ZNF675: variants seen among roughly 807,000 people sequenced by gnomAD.
ZNF675 encodes TRAF6 inhibitory zinc finger.
A neutral mutation model predicts 56.1 loss-of-function variants in ZNF675; 36 were observed. The ratio of observed to expected loss-of-function variants is 0.64; its 90% CI spans 0.49 to 0.85. ZNF675 has a LOEUF of 0.85. ZNF675 is among the 40% of genes least tolerant of loss of function. The pLI is 0.00. For missense variants in ZNF675, 663 were observed against 654.2 expected (o/e 1.01, Z -0.15); for synonymous variants, 200 against 218.9 (o/e 0.91, Z 0.76).
At chr19:23,659,207 T>C (rs528149948) in intron 3 of ZNF675, among the ~76,000 whole-genome samples, 1 of 152,222 alleles carries the variant, frequency 6.6e-6, no homozygotes, top group African/African-American at 2.4e-5. Flanking sequence ...CTACAAATTA[T>C]CTAATTTACT....
At chr19:23,661,260 C>T (rs1199650679) in intron 3 of ZNF675, among the ~76,000 whole-genome samples, 2 of 152,098 alleles carry the variant, frequency 1.3e-5, no homozygotes, top group African/African-American at 4.8e-5. Flanking sequence ...ATCCGCCCAC[C>T]TCAGCCTCCC....
chr19:23,659,633 A>G (rs2144924884), intron 3 of ZNF675, among the ~76,000 whole-genome samples: 1 of 152,304 alleles, frequency 6.6e-6, no homozygotes, highest in South Asian at 2.1e-4. Flanking sequence ...TCTTCTTTTC[A>G]GAAGGCAGGC....
rs145153257 is a variant in ZNF675 at position 23,661,744 on chromosome 19, A to G, written c.226+370T>C. On this transcript the variant is annotated intron_variant, in intron 3 of 3. Transcript: ENST00000359788. ...AAAGAAACCACTTCTCATACGTTTCAGACAAGATGGAAAAAAAGAACTTAA... is the reference window on the plus strand; with the variant it reads ...AAAGAAACCACTTCTCATACGTTTCGGACAAGATGGAAAAAAAGAACTTAA... 7.2e-5 allele frequency among the ~76,000 whole-genome samples: 11 copies of G among 152,336 alleles called. No individual in the cohort carries two copies. In the East Asian group the frequency reaches 2.1e-3, roughly 29 times the overall value.
At position 23,654,678 on chromosome 19, in the gene ZNF675, A is replaced by G. The variant is rs775944939; in HGVS notation, c.255T>C (p.Phe85=). The change falls in exon 4 of 4, where the codon TTT becomes TTC. Residue 85 remains phenylalanine, a synonymous_variant. Coordinates refer to ENST00000359788, the MANE Select transcript of ZNF675 (RefSeq NM_138330.3). ...PVMCSHFAQE[F]WPEQNIKDSF... ...AATCTTTTATGTTCTGCTCTGGCCAAAACTCTTGGGCAAAATGAGAACACA... is the reference window on the plus strand; with the variant it reads ...AATCTTTTATGTTCTGCTCTGGCCAGAACTCTTGGGCAAAATGAGAACACA... The G allele has an allele frequency of 1.9e-5, 29 of 1,552,526 alleles. No individual in the cohort carries two copies. Among genetic ancestry groups the G allele is most frequent in the Non-Finnish European group, 2.3e-5 (26 of 1,151,768 alleles).
At chr19:23,676,711 GT>G (rs1968299256) in intron 1 of ZNF675, among the ~76,000 whole-genome samples, 1 of 151,756 alleles carries the variant, frequency 6.6e-6, no homozygotes, top group African/African-American at 2.4e-5. Context: ...CTTCAAAAGA[GT>G]TATCTACGAC....
intron 1 of ZNF675, among the ~76,000 whole-genome samples, chr19:23,666,525 C>T (rs1230663172): frequency 6.6e-6 from 1 of 152,144 alleles, no homozygotes; most frequent in African/African-American, 2.4e-5. Flanking sequence ...TGTTCGGGCC[C>T]ACTTTCACAC....
At chr19:23,665,299 C>T (rs1289684854) in intron 1 of ZNF675, among the ~76,000 whole-genome samples, 2 of 148,486 alleles carry the variant, frequency 1.3e-5, no homozygotes, top group Admixed American at 6.7e-5. Context: ...GAGCTGAAAT[C>T]GCACCACTGC....
At position 23,680,784 on chromosome 19, in the gene ZNF675, G is replaced by T. The variant is rs148595509; in HGVS notation, c.3+6247C>A. ...AAATTTAAAAAAATAATAATAATAAGAGCTAAATAATAAGAACACATGGAC... is the reference window on the plus strand; with the variant it reads ...AAATTTAAAAAAATAATAATAATAATAGCTAAATAATAAGAACACATGGAC... On this transcript the variant is annotated intron_variant, in intron 1 of 3. Coordinates refer to ENST00000359788, the MANE Select transcript of ZNF675 (RefSeq NM_138330.3). 6.6e-5 allele frequency among the ~76,000 whole-genome samples: 10 copies of T among 151,582 alleles called. No individual in the cohort carries two copies. In the East Asian group the frequency reaches 1.9e-3, roughly 29 times the overall value.
At chr19:23,657,496 C>T (rs1047340573) in intron 3 of ZNF675, among the ~76,000 whole-genome samples, 4 of 152,146 alleles carry the variant, frequency 2.6e-5, no homozygotes, top group Non-Finnish European at 5.9e-5. Context: ...GCAGGTGGAT[C>T]ACCTGAGGTC....
Position 23,654,559 on chromosome 19 carries a change from T to G in ZNF675, c.374A>C (p.His125Pro), listed in dbSNP as rs1254429381. Residue 125 changes from histidine (H) to proline (P), a missense_variant, in exon 4 of 4, where the codon CAC becomes CCC. Physicochemically the swap from His to Pro is moderately conservative, Grantham distance 77. This residue lies in a region of ZNF675 where 617 missense variants were observed against 590.5 expected (regional missense o/e 1.04). Transcript: ENST00000359788. ...GTTAAGTCCATTATAACCTCCCTTG[T>G]GCAACTTACATTCATCCACACTTTT... The part of the protein sequence containing the change: ...GCKSVDECKL[H>P]KGGYNGLNQC... 1 of 1,612,248 alleles carries G rather than the reference T, an allele frequency of 6.2e-7. No homozygotes were observed. The highest frequency in any genetic ancestry group is 1.3e-5 in the African/African-American group (1 of 74,860).
chr19:23,668,391 T>C (rs987683166), intron 1 of ZNF675, among the ~76,000 whole-genome samples: 1 of 152,002 alleles, frequency 6.6e-6, no homozygotes, highest in African/African-American at 2.4e-5. Flanking sequence ...AGGGTGCTGA[T>C]TGGTGTGTTT....
rs189266983 is a variant in ZNF675, at chr19:23,660,487, C to T, written c.226+1627G>A. 6.4e-4 allele frequency among the ~76,000 whole-genome samples: 98 copies of T among 152,216 alleles called. No homozygotes were observed. The East Asian group carries it at 0.018, about 28-fold the overall frequency. ...ATCATATATATAAACATAAACAGTACATTAAAACTTGTAAATACACTCAGT... is the reference window on the plus strand; with the variant it reads ...ATCATATATATAAACATAAACAGTATATTAAAACTTGTAAATACACTCAGT... On this transcript the variant is annotated intron_variant, in intron 3 of 3. Transcript: ENST00000359788.
chr19:23,667,877 T>C (rs1968174609), intron 1 of ZNF675, among the ~76,000 whole-genome samples: 2 of 146,330 alleles, frequency 1.4e-5, no homozygotes, highest in Non-Finnish European at 3.0e-5. Context: ...AGGGTGCTGA[T>C]TGGTGTGTTT....
intron 1 of ZNF675, among the ~76,000 whole-genome samples, chr19:23,675,700 G>GTA (rs1414814836): frequency 6.6e-6 from 1 of 151,596 alleles, no homozygotes; most frequent in African/African-American, 2.4e-5. Flanking sequence ...AACTAAGGCA[G>GTA]TATTAAGAGG....
At chr19:23,675,369 A>G (rs4932896) in intron 1 of ZNF675, among the ~76,000 whole-genome samples, 147,232 of 151,674 alleles carry the variant, frequency 0.97, 71,754 homozygotes, top group Middle Eastern at 1. Flanking sequence ...TAAAATATCT[A>G]TAGAACTCTC....
At chr19:23,662,047 G>C (rs1327888658) in intron 3 of ZNF675, 67 bp downstream of exon 3, 14 of 1,165,476 alleles carry the variant, frequency 1.2e-5, no homozygotes, top group Non-Finnish European at 1.7e-5. Context: ...TTAAGGACTG[G>C]CTTTCTCTTT....
intron 3 of ZNF675, among the ~76,000 whole-genome samples, chr19:23,661,409 G>GT (rs964959290): frequency 1.3e-4 from 20 of 150,846 alleles, no homozygotes; most frequent in Middle Eastern, 3.4e-3. Flanking sequence ...AAAAAAAAAG[G>GT]GCGGGGAATA....
intron 1 of ZNF675, among the ~76,000 whole-genome samples, chr19:23,683,342 A>C (rs1968401266): frequency 6.6e-6 from 1 of 151,940 alleles, no homozygotes; most frequent in East Asian, 1.9e-4. Context: ...TTTATGGTGC[A>C]AAAAGAGGAA....
intron 1 of ZNF675, among the ~76,000 whole-genome samples, chr19:23,665,622 T>C (rs182746736): frequency 6.6e-6 from 1 of 151,966 alleles, no homozygotes; most frequent in East Asian, 2.0e-4. Context: ...CAGCCTTGAG[T>C]AGCTGGGATA....
Sources: gnomAD v4.1 joint callset for allele counts (sites outside exome capture counted in the v4.1 genomes callset) on GRCh38, gnomAD v4.1.1 for gene constraint, gnomAD v4.1.1 regional missense constraint, MANE v1.5 for transcripts, NCBI Gene and HGNC (gene_info 2026-07-23, HGNC 2026-07-21) for gene names.